The following ENOX2 variants were observed in gnomAD, a reference collection of about 807,000 sequenced individuals.
ENOX2 encodes ecto-NOX disulfide-thiol exchanger 2.
Under a neutral mutation model 45.0 loss-of-function variants are expected in ENOX2, and 36 were observed. The ratio of observed to expected loss-of-function variants is 0.80; its 90% CI spans 0.61 to 1.06. ENOX2 has a LOEUF of 1.06. Ranked by LOEUF, ENOX2 falls within the 50% of genes least tolerant of loss-of-function variation. The pLI, the probability that ENOX2 is intolerant of heterozygous loss-of-function variation, is 0.00. For missense variants in ENOX2, 423 were observed against 462.5 expected (o/e 0.91, Z 0.78); for synonymous variants, 174 against 152.3 (o/e 1.14, Z -1.05).
intron 2 of ENOX2, among the ~76,000 whole-genome samples, chrX:130,796,793 G>C (rs1398639439): frequency 9.0e-6 from 1 of 111,525 alleles, no homozygotes; most frequent in African/African-American, 3.3e-5. Flanking sequence ...TGTTATTATA[G>C]TCTGTTGGAT....
At chrX:130,634,367 C>T (rs1464310288) in intron 12 of ENOX2, among the ~76,000 whole-genome samples, 3 of 111,919 alleles carry the variant, frequency 2.7e-5, no homozygotes, top group Admixed American at 9.5e-5. Context: ...GGTTGTGATA[C>T]ATGATTCTAT....
At chrX:130,788,093 G>T (rs772148947) in intron 2 of ENOX2, among the ~76,000 whole-genome samples, 1 of 111,939 alleles carries the variant, frequency 8.9e-6, no homozygotes, top group Non-Finnish European at 1.9e-5. Context: ...TTTAAAGGGT[G>T]TTTTTTGTGT....
intron 2 of ENOX2, among the ~76,000 whole-genome samples, chrX:130,861,386 T>C (rs1381923840): frequency 2.7e-5 from 3 of 110,895 alleles, no homozygotes; most frequent in Non-Finnish European, 1.9e-5. Context: ...GAAAAGGTGG[T>C]GTACATACAC....
intron 2 of ENOX2, among the ~76,000 whole-genome samples, chrX:130,837,727 T>C (rs761651480): frequency 2.6e-4 from 29 of 111,867 alleles, no homozygotes; most frequent in African/African-American, 9.1e-4. Flanking sequence ...TGTTTCAGTT[T>C]CTTTATATGT....
chrX:130,853,463 C>CAAAAAAA (rs754949787), intron 2 of ENOX2, among the ~76,000 whole-genome samples: 5 of 27,956 alleles, frequency 1.8e-4, no homozygotes, highest in East Asian at 1.2e-3. Flanking sequence ...GACTCCGTCT[C>CAAAAAAA]AAAAAAAAAA....
chrX:130,870,565 C>T (rs1027164286), intron 2 of ENOX2, among the ~76,000 whole-genome samples: 2 of 111,284 alleles, frequency 1.8e-5, no homozygotes, highest in African/African-American at 3.3e-5. Context: ...TAATTTTAAA[C>T]GTCAACTGGG....
chrX:130,755,354 G>A (rs1288656822), intron 3 of ENOX2, among the ~76,000 whole-genome samples: 2 of 110,116 alleles, frequency 1.8e-5, no homozygotes, highest in African/African-American at 3.3e-5. Context: ...AAAAGAAAAT[G>A]TTAGCTGTTA....
intron 2 of ENOX2, among the ~76,000 whole-genome samples, chrX:130,854,032 CTT>C (rs773916108): frequency 8.9e-6 from 1 of 111,813 alleles, no homozygotes; most frequent in Admixed American, 9.4e-5. Context: ...ATAAAAATCA[CTT>C]ATATCAAAAA....
chrX:130,637,395 G>A lies in ENOX2; in HGVS notation c.1145C>T (p.Ala382Val), dbSNP rs373566446. 1.3e-5 allele frequency: 16 copies of A among 1,204,533 alleles called. No individual in the cohort carries two copies. The highest frequency in any genetic ancestry group is 1.8e-5 in the Non-Finnish European group (16 of 890,869). ...ETEESALVSQ[A>V]EALKEENDSL... is the part of the protein sequence containing the mutation. ...GTCATTTTCTTCCTTCAGAGCTTCT[G>A]CCTGTGATACTAAGGCTAACAATCA... Residue 382 changes from alanine (A) to valine (V), a missense_variant, in exon 11 of 15, where the codon GCA (alanine) becomes GTA (valine). Physicochemically the swap from Ala to Val is moderately conservative, Grantham distance 64. This residue lies in a region of ENOX2 where 13 missense variants were observed against 29.8 expected (regional missense o/e 0.44). Transcript: ENST00000394363.
chrX:130,821,001 T>C (rs142561346), intron 2 of ENOX2, among the ~76,000 whole-genome samples: 87 of 112,835 alleles, frequency 7.7e-4, no homozygotes, highest in African/African-American at 2.7e-3. Context: ...ACACATATGT[T>C]AATTAGCTCA....
chrX:130,827,023 C>T (rs1182203461), intron 2 of ENOX2, among the ~76,000 whole-genome samples: 1 of 111,736 alleles, frequency 8.9e-6, no homozygotes, highest in Non-Finnish European at 1.9e-5. Context: ...CAATTATCTG[C>T]AGTCGGGATA....
At chrX:130,839,543 A>T (rs969943568) in intron 2 of ENOX2, among the ~76,000 whole-genome samples, 2 of 111,952 alleles carry the variant, frequency 1.8e-5, no homozygotes, top group Non-Finnish European at 1.9e-5. Context: ...GAGAACTGAA[A>T]TAGTTGAATA....
At chrX:130,768,423 A>T (rs759551543) in intron 3 of ENOX2, among the ~76,000 whole-genome samples, 1 of 111,528 alleles carries the variant, frequency 9.0e-6, no homozygotes, top group East Asian at 2.8e-4. Context: ...AGATAAATAC[A>T]CCCTTAGGCA....
At chrX:130,828,900 T>A (rs1039183851) in intron 2 of ENOX2, among the ~76,000 whole-genome samples, 1 of 111,718 alleles carries the variant, frequency 9.0e-6, no homozygotes, top group Non-Finnish European at 1.9e-5. Context: ...GAGAACTGAG[T>A]AGATCAGCCT....
At chrX:130,795,461 T>C (rs745747778) in intron 2 of ENOX2, among the ~76,000 whole-genome samples, 5 of 112,406 alleles carry the variant, frequency 4.4e-5, no homozygotes, top group Non-Finnish European at 9.4e-5. Context: ...TTAATTGAGG[T>C]ATTCAATACA....
At chrX:130,812,942 T>A (rs2077416340) in intron 2 of ENOX2, among the ~76,000 whole-genome samples, 1 of 111,876 alleles carries the variant, frequency 8.9e-6, no homozygotes, top group Admixed American at 9.5e-5. Flanking sequence ...AGGTTGAGTA[T>A]CCCTAATCTG....
chrX:130,777,634 A>T (rs1383406940), intron 3 of ENOX2, among the ~76,000 whole-genome samples: 1 of 111,756 alleles, frequency 8.9e-6, no homozygotes. Context: ...ATTCCTAATG[A>T]CTTAAGTACA....
At chrX:130,632,364 C>T (rs376168345) in intron 12 of ENOX2, among the ~76,000 whole-genome samples, 3 of 7,780 alleles carry the variant, frequency 3.9e-4, no homozygotes, top group Non-Finnish European at 3.1e-4. Context: ...CAGGAAGGGG[C>T]GGGGGGGGGG....
At chrX:130,834,059 T>C (rs2077885545) in intron 2 of ENOX2, among the ~76,000 whole-genome samples, 1 of 111,737 alleles carries the variant, frequency 8.9e-6, no homozygotes, top group Non-Finnish European at 1.9e-5. Context: ...CAGGCAATTT[T>C]GTAATAACCA....
Sources: gnomAD v4.1 joint callset for allele counts (sites outside exome capture counted in the v4.1 genomes callset) on GRCh38, gnomAD v4.1.1 for gene constraint, gnomAD v4.1.1 regional missense constraint, MANE v1.5 for transcripts, NCBI Gene and HGNC (gene_info 2026-07-23, HGNC 2026-07-21) for gene names.